The following TMEM132D variants were observed in gnomAD, a reference collection of about 807,000 sequenced individuals.
TMEM132D encodes the protein mature OL transmembrane protein.
In TMEM132D, 21 loss-of-function variants were observed where a neutral mutation model predicts 62.3. The observed-to-expected ratio is 0.34, with a 90% CI of 0.24 to 0.49. TMEM132D has a LOEUF of 0.49. TMEM132D is among the 20% of genes least tolerant of loss of function. The probability of loss-of-function intolerance (pLI) is 0.99; values close to 1 mark genes in which losing one functional copy is unlikely to be tolerated. For missense variants in TMEM132D, 1,346 were observed against 1,402.8 expected (o/e 0.96, Z 0.65); for synonymous variants, 621 against 575.6 (o/e 1.08, Z -1.13).
At chr12:129,265,565 T>TGCGCACGGAGGGTC (rs1293840350) in intron 4 of TMEM132D, among the ~76,000 whole-genome samples, 1 of 152,130 alleles carries the variant, frequency 6.6e-6, no homozygotes, top group Non-Finnish European at 1.5e-5. Flanking sequence ...CCCTCATGGC[T>TGCGCACGGAGGGTC]GCGCACGGAG....
intron 3 of TMEM132D, among the ~76,000 whole-genome samples, chr12:129,453,351 T>G (rs57104807): frequency 1.3e-4 from 20 of 152,046 alleles, no homozygotes; most frequent in Non-Finnish European, 1.9e-4. Flanking sequence ...TCTCTTTGCC[T>G]GGAATTCCCT....
At chr12:129,304,383 A>T (rs73148877) in intron 4 of TMEM132D, among the ~76,000 whole-genome samples, 114 of 152,064 alleles carry the variant, frequency 7.5e-4, no homozygotes, top group Non-Finnish European at 1.3e-3. Context: ...GAACGATCCC[A>T]TATCCTACAA....
chr12:129,121,949 G>A (rs1222384960), intron 5 of TMEM132D, among the ~76,000 whole-genome samples: 1 of 152,184 alleles, frequency 6.6e-6, no homozygotes, highest in African/African-American at 2.4e-5. Context: ...TAGGAAGTGG[G>A]TGGATGAAAA....
intron 3 of TMEM132D, among the ~76,000 whole-genome samples, chr12:129,394,933 A>C (rs190636017): frequency 6.6e-6 from 1 of 152,202 alleles, no homozygotes. Flanking sequence ...TAAACACACG[A>C]ACAGTCTTTG....
chr12:129,516,876 T>G (rs987180268), intron 3 of TMEM132D, among the ~76,000 whole-genome samples: 1 of 152,194 alleles, frequency 6.6e-6, no homozygotes, highest in Admixed American at 6.5e-5. Context: ...GAGAATCCAT[T>G]GCCTTGCTTT....
At chr12:129,102,829 T>G (rs1415945548) in intron 5 of TMEM132D, among the ~76,000 whole-genome samples, 1 of 152,208 alleles carries the variant, frequency 6.6e-6, no homozygotes, top group African/African-American at 2.4e-5. Flanking sequence ...TTGGCCCAAA[T>G]GTCCACTTTC....
rs2135603577 is a variant in TMEM132D, at chr12:129,074,545, T to A, written c.2630A>T (p.His877Leu). The A allele has an allele frequency of 6.2e-7, 1 of 1,614,102 alleles. No individual in the cohort carries two copies. Among genetic ancestry groups the A allele is most frequent in the Non-Finnish European group, 8.5e-7 (1 of 1,180,030 alleles). Residue 877 changes from histidine (H) to leucine (L), a missense_variant, in exon 9 of 9, where the codon CAC becomes CTC. By Grantham distance (99) the His-to-Leu change is moderately conservative. Coordinates refer to ENST00000422113, the MANE Select transcript of TMEM132D (RefSeq NM_133448.3). ...GQESLLDDNS[H>L]LQTIPSDLTS... ...GAGGTCGCTGGGGATGGTCTGCAAGTGGCTGTTGTCATCTAAAAGGCTTTC... is the reference window on the plus strand; with the variant it reads ...GAGGTCGCTGGGGATGGTCTGCAAGAGGCTGTTGTCATCTAAAAGGCTTTC...
At chr12:129,444,382 G>T (rs1299318794) in intron 3 of TMEM132D, among the ~76,000 whole-genome samples, 1 of 133,430 alleles carries the variant, frequency 7.5e-6, no homozygotes, top group African/African-American at 3.2e-5. Context: ...CTAATATCCA[G>T]TATTCATAAG....
chr12:129,362,321 C>T (rs961524647), intron 3 of TMEM132D, among the ~76,000 whole-genome samples: 1 of 152,206 alleles, frequency 6.6e-6, no homozygotes, highest in African/African-American at 2.4e-5. Flanking sequence ...GCAATTGGGG[C>T]TGTGGTGGGA....
chr12:129,639,310 G>A (rs953457249), intron 2 of TMEM132D, among the ~76,000 whole-genome samples: 17 of 148,474 alleles, frequency 1.1e-4, no homozygotes, highest in African/African-American at 4.2e-4. Flanking sequence ...TGGAACCTAG[G>A]AGGCAGAGGT....
intron 4 of TMEM132D, among the ~76,000 whole-genome samples, chr12:129,232,221 A>T (rs1476194929): frequency 6.6e-6 from 1 of 152,152 alleles, no homozygotes; most frequent in African/African-American, 2.4e-5. Context: ...TGTCCATGAA[A>T]AATGGTCACC....
chr12:129,886,065 C>T (rs1874740992), intron 1 of TMEM132D, among the ~76,000 whole-genome samples: 1 of 152,054 alleles, frequency 6.6e-6, no homozygotes, highest in African/African-American at 2.4e-5. Flanking sequence ...TCTCATTATG[C>T]AAAAATTTCT....
intron 3 of TMEM132D, among the ~76,000 whole-genome samples, chr12:129,476,446 CTCTG>C (rs1236362879): frequency 1.3e-5 from 2 of 152,224 alleles, no homozygotes; most frequent in Non-Finnish European, 2.9e-5. Flanking sequence ...ACAGGCTTAT[CTCTG>C]TCTGACATTG....
chr12:129,538,374 G>A (rs1876466212), intron 2 of TMEM132D, among the ~76,000 whole-genome samples: 1 of 152,142 alleles, frequency 6.6e-6, no homozygotes, highest in Non-Finnish European at 1.5e-5. Context: ...AACCCCAGGA[G>A]GCTTTATTCA....
intron 1 of TMEM132D, among the ~76,000 whole-genome samples, chr12:129,738,605 G>A (rs1869502615): frequency 6.6e-6 from 1 of 152,118 alleles, no homozygotes. Flanking sequence ...TTTTGGGGGA[G>A]GAAATTGGAA....
intron 3 of TMEM132D, among the ~76,000 whole-genome samples, chr12:129,362,583 C>G (rs141780152): frequency 6.6e-6 from 1 of 150,588 alleles, no homozygotes; most frequent in East Asian, 1.9e-4. Context: ...TTATATATTT[C>G]TTTTTTGTTG....
At chr12:129,107,049 T>C (rs1875523817) in intron 5 of TMEM132D, among the ~76,000 whole-genome samples, 1 of 152,234 alleles carries the variant, frequency 6.6e-6, no homozygotes, top group African/African-American at 2.4e-5. Flanking sequence ...TTTGTTTATC[T>C]ACTGTATCAT....
intron 2 of TMEM132D, among the ~76,000 whole-genome samples, chr12:129,659,327 C>T (rs1880176396): frequency 6.6e-6 from 1 of 151,886 alleles, no homozygotes; most frequent in South Asian, 2.2e-4. Flanking sequence ...AACCAGAATG[C>T]AAGTTTTTCA....
Position 129,071,857 on chromosome 12 carries a change from T to A in TMEM132D, c.*2018A>T, listed in dbSNP as rs1467563741. 1 of 152,132 alleles carries A rather than the reference T, an allele frequency of 6.6e-6. No homozygotes were observed. The allele number at this position is 152,132 out of a possible 1,614,324, so 9.4% of individuals were successfully genotyped here. On this transcript the variant is annotated 3_prime_UTR_variant, in exon 9 of 9. Coordinates refer to ENST00000422113, the MANE Select transcript of TMEM132D (RefSeq NM_133448.3). The stretch of plus-strand genomic sequence containing the variant: ...AGCGGCTGCAGTATTCAACAGAACA[T>A]GACACAGGTAAGAATGGAAAGAAAT...
Sources: allele counts gnomAD v4.1 joint callset (sites outside exome capture counted in the v4.1 genomes callset), GRCh38; gene constraint gnomAD v4.1.1; transcripts MANE v1.5; gene names NCBI Gene and HGNC (gene_info 2026-07-23, HGNC 2026-07-21).